The following SECISBP2 variants were observed in gnomAD, a reference collection of about 807,000 sequenced individuals.
The protein encoded by SECISBP2 is selenocysteine insertion sequence-binding protein 2.
SECISBP2 carries 96 observed loss-of-function variants against 98.2 expected under a neutral mutation model. The ratio of observed to expected loss-of-function variants is 0.98; its 90% CI spans 0.83 to 1.16. SECISBP2 has a LOEUF of 1.16. Ranked by LOEUF, SECISBP2 falls within the 50% of genes most tolerant of loss-of-function variation. The probability of loss-of-function intolerance (pLI) is 0.00; values close to 1 mark genes in which losing one functional copy is unlikely to be tolerated. For synonymous variants in SECISBP2, 407 were observed against 370.2 expected, an observed-to-expected ratio of 1.10 and a Z score of -1.14; for missense variants, 1,046 against 1,022.9, an observed-to-expected ratio of 1.02 and a Z score of -0.31.
In SECISBP2 at chr9:89,350,839, G is replaced by C; in HGVS notation, c.2100G>C (p.Lys700Asn). ...TCATTATTTCTCCCAACTGTGAGAAGATACAGTCAAAAGGTAAAGGCACAG... is the reference window on the plus strand; with the variant it reads ...TCATTATTTCTCCCAACTGTGAGAACATACAGTCAAAAGGTAAAGGCACAG... ...KCVIISPNCE[K>N]IQSKGGLDDT... Residue 700 changes from lysine to asparagine, a missense_variant, in exon 14 of 17, where the codon AAG (lysine) becomes AAC (asparagine). Lys to Asn is a moderately conservative substitution (Grantham distance 94). Coordinates refer to ENST00000375807, the MANE Select transcript of SECISBP2 (RefSeq NM_024077.5). 6.2e-7 allele frequency: 1 copy of C among 1,613,952 alleles called. No individual in the cohort carries two copies. The highest frequency in any genetic ancestry group is 2.2e-5 in the East Asian group (1 of 44,884).
At chr9:89,328,939 C>T (rs1457961476) in intron 5 of SECISBP2, 53 bp downstream of exon 5, 2 of 1,397,910 alleles carry the variant, frequency 1.4e-6, no homozygotes, top group African/African-American at 1.4e-5. Context: ...TTTAAATTGT[C>T]TCATTTCAAA....
chr9:89,332,482 C>T lies in SECISBP2; in HGVS notation c.802-426C>T, dbSNP rs371879433. On this transcript the variant is annotated intron_variant, in intron 5 of 16. Coordinates refer to ENST00000375807, the MANE Select transcript of SECISBP2 (RefSeq NM_024077.5). The stretch of plus-strand genomic sequence containing the variant: ...TCTGTGCTTCACCTGTTTATCCCTT[C>T]CTCCCCTCAGCCCCTGCTAACTACT... The T allele has an allele frequency of 4.2e-4, 103 of 244,066 alleles. No individual in the cohort carries two copies. In the East Asian group the frequency reaches 8.1e-3, roughly 19 times the overall value. 15.1% of individuals were successfully genotyped at this position (244,066 alleles called of 1,614,324 possible). A position where few individuals can be genotyped will look rare whatever the true frequency, so the allele number is the denominator to read the frequency against.
At chr9:89,339,202 G>C (rs1302001273) in intron 8 of SECISBP2, among the ~76,000 whole-genome samples, 1 of 152,234 alleles carries the variant, frequency 6.6e-6, no homozygotes, top group East Asian at 1.9e-4. Flanking sequence ...CTCTCTCAGA[G>C]GTGCTGCCCA....
intron 14 of SECISBP2, among the ~76,000 whole-genome samples, chr9:89,351,965 C>G (rs57417997): frequency 1.3e-3 from 205 of 152,324 alleles, no homozygotes; most frequent in African/African-American, 4.8e-3. Flanking sequence ...CCCTTCCTTT[C>G]CTAGCAACTC....
intron 4 of SECISBP2, among the ~76,000 whole-genome samples, chr9:89,327,213 C>A (rs1826876719): frequency 6.6e-6 from 1 of 151,972 alleles, no homozygotes; most frequent in South Asian, 2.1e-4. Context: ...GGGCACTTAC[C>A]ATGAATGGAG....
chr9:89,330,579 T>C (rs980560506), intron 5 of SECISBP2: 4 of 152,296 alleles, frequency 2.6e-5, no homozygotes, highest in African/African-American at 9.6e-5. Flanking sequence ...GTGCAGAAGA[T>C]AGGCCATTGT....
rs750744951 is a variant in SECISBP2, at chr9:89,328,847, T to C, written c.762T>C (p.Leu254=). Residue 254 remains leucine, a synonymous_variant, in exon 5 of 17, where the codon CTT becomes CTC. Transcript: ENST00000375807. ...PVHSVSTDIS[L]LREVVKPAAV... ...ACTCTGTCTCTACCGACATTTCTCTTCTAAGAGAAGTAGTAAAACCAGCTG... is the reference window on the plus strand; with the variant it reads ...ACTCTGTCTCTACCGACATTTCTCTCCTAAGAGAAGTAGTAAAACCAGCTG... The C allele has an allele frequency of 1.5e-5, 25 of 1,614,232 alleles. No homozygotes were observed. The East Asian group carries it at 5.6e-4, about 36-fold the overall frequency.
In SECISBP2 at chr9:89,346,919, A is replaced by G. The variant is rs899267009; in HGVS notation, c.1473A>G (p.Ser491=). The G allele has an allele frequency of 3.7e-6, 6 of 1,613,938 alleles. No homozygotes were observed. In the African/African-American group the frequency reaches 6.7e-5, roughly 18 times the overall value. Residue 491 remains serine, a synonymous_variant, in exon 11 of 17, where the codon TCA becomes TCG. Coordinates refer to ENST00000375807, the MANE Select transcript of SECISBP2 (RefSeq NM_024077.5). The part of the protein sequence containing the change: ...AVPVLSKECA[S]GERGRRMSQM... ...CAGTCCTTTCCAAAGAATGTGCATC[A>G]GGGGAGAGAGGCCGCCGCATGAGTC... is the stretch of plus-strand genomic sequence containing the variant.
intron 14 of SECISBP2, 89 bp from the exon 15 acceptor site, chr9:89,357,322 G>A (rs2132086632): frequency 4.3e-6 from 6 of 1,404,616 alleles, no homozygotes; most frequent in Middle Eastern, 3.5e-4. Context: ...AGATGGGTGT[G>A]TTGCTAAGAA....
chr9:89,361,995 C>T (rs952355258), downstream of SECISBP2: 9 of 292,180 alleles, frequency 3.1e-5, no homozygotes, highest in African/African-American at 1.9e-4. Context: ...GGGGTGGGGG[C>T]ACTCTGTCAA....
Position 89,318,550 on chromosome 9 carries a change from G to A in SECISBP2, c.-27G>A. 6.6e-7 allele frequency: 1 copy of A among 1,510,296 alleles called. No homozygotes were observed. Among genetic ancestry groups the A allele is most frequent in the Non-Finnish European group, 8.8e-7 (1 of 1,135,132 alleles). 93.6% of individuals were successfully genotyped at this position (1,510,296 alleles called of 1,614,324 possible). A position where few individuals can be genotyped will look rare whatever the true frequency, so the allele number is the denominator to read the frequency against. On this transcript the variant is annotated 5_prime_UTR_variant, in exon 1 of 17. Coordinates refer to ENST00000375807, the MANE Select transcript of SECISBP2 (RefSeq NM_024077.5). ...CCGACGGCCCGCTGCTGGCCTCCGT[G>A]ACGCGGCCTCCTCCGCGCCTCGCGG...
At chr9:89,363,935 C>G, downstream of SECISBP2, 1 of 1,614,094 alleles carries the variant, frequency 6.2e-7, no homozygotes, top group Non-Finnish European at 8.5e-7. Flanking sequence ...CCAGACAAAG[C>G]GAATGTCTGC....
At position 89,321,208 on chromosome 9, in the gene SECISBP2, T is replaced by C. The variant is rs1253609908; in HGVS notation, c.182+1411T>C. 3.3e-5 allele frequency among the ~76,000 whole-genome samples: 5 copies of C among 152,200 alleles called. No individual in the cohort carries two copies. In the East Asian group the frequency reaches 5.8e-4, roughly 18 times the overall value. ...ACCTTGAGTGTCTCACATAACAAAATACAAAAATATATCTCAGTGACAAGA... is the reference window on the plus strand; with the variant it reads ...ACCTTGAGTGTCTCACATAACAAAACACAAAAATATATCTCAGTGACAAGA... On this transcript the variant is annotated intron_variant, in intron 2 of 16. Transcript: ENST00000375807.
At chr9:89,326,092 A>G (rs1826654092) in intron 4 of SECISBP2, 54 bp downstream of exon 4, 4 of 1,590,258 alleles carry the variant, frequency 2.5e-6, no homozygotes, top group Middle Eastern at 1.7e-4. Flanking sequence ...GTGCCCCAGA[A>G]ACATTCCTGC....
intron 6 of SECISBP2, chr9:89,334,055 G>GAT: frequency 9.1e-7 from 1 of 1,095,618 alleles, no homozygotes; most frequent in South Asian, 2.5e-5. Flanking sequence ...GAGTAGTGTT[G>GAT]CTGTACTTAT....
intron 6 of SECISBP2, 52 bp from the exon 7 acceptor site, chr9:89,334,470 A>G (rs1828287726): frequency 6.8e-7 from 1 of 1,464,892 alleles, no homozygotes; most frequent in South Asian, 1.1e-5. Flanking sequence ...TAACTAAGGA[A>G]TTTCTATTTT....
the SECISBP2 span, chr9:89,364,973 G>A: frequency 6.6e-6 from 1 of 152,300 alleles, no homozygotes; most frequent in Admixed American, 6.5e-5. Flanking sequence ...GCACAAGTAA[G>A]TTCTGGTCAG....
At chr9:89,330,151 A>G (rs979963382) in intron 5 of SECISBP2, 16 of 152,224 alleles carry the variant, frequency 1.1e-4, no homozygotes, top group African/African-American at 3.9e-4. Flanking sequence ...GTAATATTTA[A>G]AACTGCATAG....
At chr9:89,337,537 G>A (rs1384191153) in intron 7 of SECISBP2, among the ~76,000 whole-genome samples, 1 of 151,918 alleles carries the variant, frequency 6.6e-6, no homozygotes, top group Non-Finnish European at 1.5e-5. Context: ...CTGTTTTTTT[G>A]TTTTGTTTTG....
Sources: allele counts gnomAD v4.1 joint callset (sites outside exome capture counted in the v4.1 genomes callset), GRCh38; gene constraint gnomAD v4.1.1; transcripts MANE v1.5; gene names NCBI Gene and HGNC (gene_info 2026-07-23, HGNC 2026-07-21).